Variants in OR8D1 observed in about 807,000 individuals in gnomAD.
The protein encoded by OR8D1 is olfactory receptor 8D1.
For synonymous variants in OR8D1, 143 were observed against 147.0 expected, an observed-to-expected ratio of 0.97 and a Z score of 0.20; for missense variants, 384 against 366.8, an observed-to-expected ratio of 1.05 and a Z score of -0.38.
At chr11:124,312,074 A>G (rs1862426518) in intron 1 of OR8D1, among the ~76,000 whole-genome samples, 1 of 152,192 alleles carries the variant, frequency 6.6e-6, no homozygotes, top group Non-Finnish European at 1.5e-5. Flanking sequence ...GAAGTGGGAT[A>G]CCTGTTTCAA....
chr11:124,311,044 G>A (rs1862417130), intron 2 of OR8D1, among the ~76,000 whole-genome samples: 1 of 152,120 alleles, frequency 6.6e-6, no homozygotes, highest in Non-Finnish European at 1.5e-5. Flanking sequence ...AAAAGCAAAT[G>A]TTTACTTTGT....
Position 124,307,780 on chromosome 11 carries a change from G to T in OR8D1, c.*2060C>A, listed in dbSNP as rs1363487678. On this transcript the variant is annotated 3_prime_UTR_variant, in exon 3 of 3. Transcript: ENST00000641015. ...GGTTATTTTCACAGTTTTCCAGCTT[G>T]TCCACATGCTTGAGGGTTAACTCTC... 2.0e-5 allele frequency: 3 copies of T among 152,054 alleles called. No individual in the cohort carries two copies. Among genetic ancestry groups the T allele is most frequent in the Non-Finnish European group, 2.9e-5 (2 of 68,004 alleles). 9.4% of individuals were successfully genotyped at this position (152,054 alleles called of 1,614,324 possible).
rs1395181453 is a variant in OR8D1, at chr11:124,306,247, TATC to T, written c.*3590_*3592del. On this transcript the variant is annotated 3_prime_UTR_variant, in exon 3 of 3. Transcript: ENST00000641015. Reference sequence around the variant, plus strand: ...AATTAATACAGTTATCTATATATATTATCATTCTTGTTTACCTCACCTTTAAGA... The same window carrying T: ...AATTAATACAGTTATCTATATATATTATTCTTGTTTACCTCACCTTTAAGA... The T allele has an allele frequency of 6.6e-6, 1 of 151,336 alleles. No individual in the cohort carries two copies. Among genetic ancestry groups the T allele is most frequent in the African/African-American group, 2.4e-5 (1 of 41,350 alleles). 9.4% of individuals were successfully genotyped at this position (151,336 alleles called of 1,614,324 possible). A position where few individuals can be genotyped will look rare whatever the true frequency, so the allele number is the denominator to read the frequency against.
At position 124,309,107 on chromosome 11, in the gene OR8D1, C is replaced by G. The variant is rs1862392451; in HGVS notation, c.*733G>C. 1 of 151,986 alleles carries G rather than the reference C, an allele frequency of 6.6e-6. No homozygotes were observed. Among genetic ancestry groups the G allele is most frequent in the Non-Finnish European group, 1.5e-5 (1 of 67,978 alleles). The allele number at this position is 151,986 out of a possible 1,614,324, so 9.4% of individuals were successfully genotyped here. On this transcript the variant is annotated 3_prime_UTR_variant, in exon 3 of 3. Coordinates refer to ENST00000641015, the MANE Select transcript of OR8D1 (RefSeq NM_001002917.2). The stretch of plus-strand genomic sequence containing the variant: ...TATCTTCCCTATGAGGAAGGTTTTT[C>G]AACCTTAGGCAACTCCATTGCAATA...
At position 124,307,082 on chromosome 11, in the gene OR8D1, G is replaced by A. The variant is rs1445878937; in HGVS notation, c.*2758C>T. Reference sequence around the variant, plus strand: ...AGTGGCAATTTTGTCTAATGCTAGAGCTTGGTATTAAGAAATTTATTTGCC... The same window carrying A: ...AGTGGCAATTTTGTCTAATGCTAGAACTTGGTATTAAGAAATTTATTTGCC... On this transcript the variant is annotated 3_prime_UTR_variant, in exon 3 of 3. Coordinates refer to ENST00000641015, the MANE Select transcript of OR8D1 (RefSeq NM_001002917.2). The A allele has an allele frequency of 2.0e-5, 3 of 151,952 alleles. No individual in the cohort carries two copies. The highest frequency in any genetic ancestry group is 4.4e-5 in the Non-Finnish European group (3 of 67,972). The allele number at this position is 151,952 out of a possible 1,614,324, so 9.4% of individuals were successfully genotyped here.
At position 124,306,938 on chromosome 11, in the gene OR8D1, T is replaced by C. The variant is rs1251011223; in HGVS notation, c.*2902A>G. 6.6e-6 allele frequency: 1 copy of C among 152,116 alleles called. No individual in the cohort carries two copies. The highest frequency in any genetic ancestry group is 6.6e-5 in the Admixed American group (1 of 15,246). 9.4% of individuals were successfully genotyped at this position (152,116 alleles called of 1,614,324 possible). A position where few individuals can be genotyped will look rare whatever the true frequency, so the allele number is the denominator to read the frequency against. ...GTGAAAAAGAAATGGTTCTCTTTTT[T>C]GTTGTTCTTTTTGAGAGTTAGCATA... On this transcript the variant is annotated 3_prime_UTR_variant, in exon 3 of 3. Transcript: ENST00000641015.
In OR8D1 at chr11:124,310,076, A is replaced by C; in HGVS notation, c.691T>G (p.Ser231Ala). 1.2e-6 allele frequency: 2 copies of C among 1,613,608 alleles called. No homozygotes were observed. Among genetic ancestry groups the C allele is most frequent in the Non-Finnish European group, 1.7e-6 (2 of 1,179,790 alleles). Reference protein sequence around the residue: ...ILYSILHIRSSEGRSKAFGTC... With the variant: ...ILYSILHIRSAEGRSKAFGTC... ...CCAAAAGCTTTGGACCGGCCCTCTG[A>C]GGAGCGGATGTGAAGGATGCTGTAG... Residue 231 changes from serine (S) to alanine (A), a missense_variant, in exon 3 of 3, where the codon TCA becomes GCA. Transcript: ENST00000641015.
chr11:124,313,645 T>G (rs1293829067), intron 1 of OR8D1, 76 bp downstream of exon 1: 1 of 152,068 alleles, frequency 6.6e-6, no homozygotes, highest in African/African-American at 2.4e-5. Flanking sequence ...TGCACAAGGG[T>G]CAGCACGGTT....
chr11:124,310,426 A>C lies in OR8D1; in HGVS notation c.341T>G (p.Leu114Arg), dbSNP rs749544637. ...FVVFVVAEGY[L>R]LTAMAYDRYV... ...GCGATCATATGCCATGGCAGTCAGGAGGTAACCCTCAGCCACCACAAAGAC... is the reference window on the plus strand; with the variant it reads ...GCGATCATATGCCATGGCAGTCAGGCGGTAACCCTCAGCCACCACAAAGAC... Residue 114 changes from leucine to arginine, a missense_variant, in exon 3 of 3, where the codon CTC (leucine) becomes CGC (arginine). Coordinates refer to ENST00000641015, the MANE Select transcript of OR8D1 (RefSeq NM_001002917.2). The C allele has an allele frequency of 7.4e-6, 12 of 1,613,538 alleles. No homozygotes were observed. Among genetic ancestry groups the C allele is most frequent in the Non-Finnish European group, 1.0e-5 (12 of 1,179,800 alleles).
chr11:124,309,899 A>G lies in OR8D1; in HGVS notation c.868T>C (p.Tyr290His). Residue 290 changes from tyrosine (Y) to histidine (H), a missense_variant, in exon 3 of 3, where the codon TAC becomes CAC. Transcript: ENST00000641015. ...TTCACATCCTTATTCCTCAGACTGT[A>G]TATTAAAGGGTTCAGCATGGGGATC... ...TVIPMLNPLI[Y>H]SLRNKDVKKA... is the part of the protein sequence containing the mutation. 1 of 1,514,850 alleles carries G rather than the reference A, an allele frequency of 6.6e-7. No homozygotes were observed. Among genetic ancestry groups the G allele is most frequent in the Non-Finnish European group, 8.8e-7 (1 of 1,133,256 alleles). The allele number at this position is 1,514,850 out of a possible 1,614,324, so 93.8% of individuals were successfully genotyped here.
rs907654138 is a variant in OR8D1 at position 124,305,791 on chromosome 11, C to A, written c.*4049G>T. The A allele has an allele frequency of 6.6e-6, 1 of 151,832 alleles. No individual in the cohort carries two copies. Among genetic ancestry groups the A allele is most frequent in the Non-Finnish European group, 1.5e-5 (1 of 67,864 alleles). 9.4% of individuals were successfully genotyped at this position (151,832 alleles called of 1,614,324 possible). A position where few individuals can be genotyped will look rare whatever the true frequency, so the allele number is the denominator to read the frequency against. ...CAGACACACAAAAATAATGTTAAAA[C>A]ACCCCTAAAACATTATCCTCATTTA... On this transcript the variant is annotated 3_prime_UTR_variant, in exon 3 of 3. Coordinates refer to ENST00000641015, the MANE Select transcript of OR8D1 (RefSeq NM_001002917.2).
chr11:124,310,433 C>A lies in OR8D1; in HGVS notation c.334G>T (p.Gly112Cys). 1 of 1,613,448 alleles carries A rather than the reference C, an allele frequency of 6.2e-7. No individual in the cohort carries two copies. Among genetic ancestry groups the A allele is most frequent in the Non-Finnish European group, 8.5e-7 (1 of 1,179,776 alleles). Residue 112 changes from glycine (G) to cysteine (C), a missense_variant, in exon 3 of 3, where the codon GGT becomes TGT. Coordinates refer to ENST00000641015, the MANE Select transcript of OR8D1 (RefSeq NM_001002917.2). ...TATGCCATGGCAGTCAGGAGGTAAC[C>A]CTCAGCCACCACAAAGACCACAAAG... is the stretch of plus-strand genomic sequence containing the variant. Reference protein sequence around the residue: ...FFFVVFVVAEGYLLTAMAYDR... With the variant: ...FFFVVFVVAECYLLTAMAYDR...
rs965696005 is a variant in OR8D1 at position 124,307,130 on chromosome 11, A to G, written c.*2710T>C. 1 of 152,062 alleles carries G rather than the reference A, an allele frequency of 6.6e-6. No individual in the cohort carries two copies. The highest frequency in any genetic ancestry group is 1.5e-5 in the Non-Finnish European group (1 of 67,998). 9.4% of individuals were successfully genotyped at this position (152,062 alleles called of 1,614,324 possible). A position where few individuals can be genotyped will look rare whatever the true frequency, so the allele number is the denominator to read the frequency against. On this transcript the variant is annotated 3_prime_UTR_variant, in exon 3 of 3. Coordinates refer to ENST00000641015, the MANE Select transcript of OR8D1 (RefSeq NM_001002917.2). ...GCCCCAAAATATACCTTGCCAAACA[A>G]CCAGTATCTGGTGGTTTGGACCAGG...
chr11:124,309,781 G>T lies in OR8D1; in HGVS notation c.*59C>A. 1 of 951,952 alleles carries T rather than the reference G, an allele frequency of 1.1e-6. No homozygotes were observed. Among genetic ancestry groups the T allele is most frequent in the Non-Finnish European group, 1.5e-6 (1 of 671,752 alleles). 59.0% of individuals were successfully genotyped at this position (951,952 alleles called of 1,614,324 possible). A position where few individuals can be genotyped will look rare whatever the true frequency, so the allele number is the denominator to read the frequency against. ...AGAAGAACATGAAAATAGAAAAAAGGAATATATGTTCATTGGAACTATTCA... is the reference window on the plus strand; with the variant it reads ...AGAAGAACATGAAAATAGAAAAAAGTAATATATGTTCATTGGAACTATTCA... On this transcript the variant is annotated 3_prime_UTR_variant, in exon 3 of 3. Coordinates refer to ENST00000641015, the MANE Select transcript of OR8D1 (RefSeq NM_001002917.2).
chr11:124,309,994 A>C lies in OR8D1; in HGVS notation c.773T>G (p.Met258Arg). ...GTTACTTGAAGGGGGCTTGAAATAC[A>C]TGAAGGTAATGGACCCAAAGAAGAT... ...VVIFFGSITF[M>R]YFKPPSSNSL... Residue 258 changes from methionine to arginine, a missense_variant, in exon 3 of 3, where the codon ATG becomes AGG. Transcript: ENST00000641015. 1 of 1,587,300 alleles carries C rather than the reference A, an allele frequency of 6.3e-7. No homozygotes were observed. The highest frequency in any genetic ancestry group is 8.6e-7 in the Non-Finnish European group (1 of 1,167,456).
rs1862354651 is a variant in OR8D1 at position 124,304,830 on chromosome 11, A to G, written c.*5010T>C. On this transcript the variant is annotated 3_prime_UTR_variant, in exon 3 of 3. Coordinates refer to ENST00000641015, the MANE Select transcript of OR8D1 (RefSeq NM_001002917.2). ...GGACACATTTGTTTTGTGTTTGTAT[A>G]TGTGTGTGTGTACATTATTTTTCCA... 6.6e-6 allele frequency: 1 copy of G among 151,772 alleles called. No homozygotes were observed. 9.4% of individuals were successfully genotyped at this position (151,772 alleles called of 1,614,324 possible). A position where few individuals can be genotyped will look rare whatever the true frequency, so the allele number is the denominator to read the frequency against.
chr11:124,312,926 A>G (rs1216826263), intron 1 of OR8D1, among the ~76,000 whole-genome samples: 1 of 151,880 alleles, frequency 6.6e-6, no homozygotes, highest in Non-Finnish European at 1.5e-5. Flanking sequence ...GTAATCCCAG[A>G]ACTTTGGGAG....
In OR8D1 at chr11:124,308,353, A is replaced by T. The variant is rs905547878; in HGVS notation, c.*1487T>A. 5.3e-5 allele frequency: 8 copies of T among 152,080 alleles called. No homozygotes were observed. The highest frequency in any genetic ancestry group is 1.7e-4 in the African/African-American group (7 of 41,432). 9.4% of individuals were successfully genotyped at this position (152,080 alleles called of 1,614,324 possible). A position where few individuals can be genotyped will look rare whatever the true frequency, so the allele number is the denominator to read the frequency against. Reference sequence around the variant, plus strand: ...AGTACTATGTGTCCCCCTCAAAAAGATCTTAAGGAATGGGAGGACTTGAGA... The same window carrying T: ...AGTACTATGTGTCCCCCTCAAAAAGTTCTTAAGGAATGGGAGGACTTGAGA... On this transcript the variant is annotated 3_prime_UTR_variant, in exon 3 of 3. Transcript: ENST00000641015.
In OR8D1 at chr11:124,310,724, C is replaced by G. The variant is rs1313586955; in HGVS notation, c.43G>C (p.Asp15His). The change falls in exon 3 of 3, where the codon GAT becomes CAT. Residue 15 changes from aspartate (D) to histidine (H), a missense_variant. Physicochemically the swap from Asp to His is moderately conservative, Grantham distance 81. Coordinates refer to ENST00000641015, the MANE Select transcript of OR8D1 (RefSeq NM_001002917.2). ...AGCTCTGCTTGCTGTGTTAAACCAT[C>G]TAAGACAAACTGAGCTGCCATAGAA... is the stretch of plus-strand genomic sequence containing the variant. ...NYSMAAQFVL[D>H]GLTQQAELQL... 1.9e-6 allele frequency: 3 copies of G among 1,613,044 alleles called. No individual in the cohort carries two copies. Among genetic ancestry groups the G allele is most frequent in the African/African-American group, 2.7e-5 (2 of 74,882 alleles).
Sources: gnomAD v4.1 joint callset for allele counts (sites outside exome capture counted in the v4.1 genomes callset) on GRCh38, gnomAD v4.1.1 for gene constraint, MANE v1.5 for transcripts, NCBI Gene and HGNC (gene_info 2026-07-23, HGNC 2026-07-21) for gene names.